The following GNAQ variants were observed in gnomAD, a reference collection of about 807,000 sequenced individuals.
GNAQ encodes guanine nucleotide-binding protein G(q) subunit alpha.
Under a neutral mutation model 43.9 loss-of-function variants are expected in GNAQ, and 8 were observed. The observed-to-expected ratio is 0.18, with a 90% CI of 0.11 to 0.33. The LOEUF (loss-of-function observed/expected upper bound fraction) is 0.33. GNAQ is among the 10% of genes least tolerant of loss of function. The pLI is 1.00. For synonymous variants in GNAQ, 155 were observed against 170.7 expected (o/e 0.91, Z 0.71); for missense variants, 158 against 450.8 (o/e 0.35, Z 5.88).
chr9:77,967,233 A>T (rs771767265), intron 1 of GNAQ, among the ~76,000 whole-genome samples: 1 of 152,188 alleles, frequency 6.6e-6, no homozygotes, highest in Non-Finnish European at 1.5e-5. Context: ...TGTTGGGCTG[A>T]CAACAGCTCT....
At chr9:77,886,384 C>CT (rs1828305855) in intron 2 of GNAQ, among the ~76,000 whole-genome samples, 6 of 102,102 alleles carry the variant, frequency 5.9e-5, no homozygotes, top group Admixed American at 5.6e-4. Flanking sequence ...GAGCTATGCT[C>CT]TTAAAAAAAA....
chr9:77,849,006 G>A (rs1386022303), intron 2 of GNAQ, among the ~76,000 whole-genome samples: 1 of 152,166 alleles, frequency 6.6e-6, no homozygotes, highest in East Asian at 1.9e-4. Flanking sequence ...GAAGAAAAAT[G>A]TGTGGTGACA....
intron 3 of GNAQ, among the ~76,000 whole-genome samples, chr9:77,800,943 A>C (rs1307996743): frequency 1.3e-5 from 2 of 152,244 alleles, no homozygotes; most frequent in African/African-American, 2.4e-5. Context: ...AAGGCTGCTC[A>C]GAAATATATT....
chr9:77,933,157 C>T (rs1371451266), intron 1 of GNAQ, among the ~76,000 whole-genome samples: 3 of 152,168 alleles, frequency 2.0e-5, no homozygotes, highest in Non-Finnish European at 4.4e-5. Context: ...ACAGAGGATG[C>T]GATTTGTGTC....
At chr9:77,862,792 C>G (rs1227108404) in intron 2 of GNAQ, among the ~76,000 whole-genome samples, 1 of 152,220 alleles carries the variant, frequency 6.6e-6, no homozygotes, top group African/African-American at 2.4e-5. Flanking sequence ...CATTGTCAGA[C>G]TATAAATTTT....
intron 1 of GNAQ, among the ~76,000 whole-genome samples, chr9:77,998,296 G>A (rs1028802687): frequency 6.6e-6 from 1 of 152,212 alleles, no homozygotes; most frequent in Non-Finnish European, 1.5e-5. Flanking sequence ...TTTGTCTGCA[G>A]CATTTTTAAA....
At chr9:77,734,342 T>C (rs1825539655) in intron 5 of GNAQ, among the ~76,000 whole-genome samples, 1 of 152,238 alleles carries the variant, frequency 6.6e-6, no homozygotes, top group Admixed American at 6.5e-5. Context: ...ATACAAGTTA[T>C]CCACCTGTCT....
At chr9:77,968,683 C>A (rs1254652173) in intron 1 of GNAQ, among the ~76,000 whole-genome samples, 1 of 152,198 alleles carries the variant, frequency 6.6e-6, no homozygotes, top group Non-Finnish European at 1.5e-5. Flanking sequence ...ATGTAAATGG[C>A]CTTCAATTAC....
chr9:78,005,037 GA>G (rs1823688980), intron 1 of GNAQ, among the ~76,000 whole-genome samples: 1 of 152,090 alleles, frequency 6.6e-6, no homozygotes, highest in East Asian at 1.9e-4. Flanking sequence ...ATGGTTTGGA[GA>G]GATGACAAAA....
At chr9:77,806,574 G>A (rs1472683564) in intron 3 of GNAQ, among the ~76,000 whole-genome samples, 2 of 152,216 alleles carry the variant, frequency 1.3e-5, no homozygotes, top group African/African-American at 2.4e-5. Context: ...GGAAGGGAGA[G>A]ATGATTATGA....
At chr9:77,939,370 G>A (rs924223087) in intron 1 of GNAQ, among the ~76,000 whole-genome samples, 4 of 152,140 alleles carry the variant, frequency 2.6e-5, no homozygotes, top group African/African-American at 9.7e-5. Flanking sequence ...GCAGCATGAA[G>A]AACTAAATAT....
In GNAQ at chr9:78,031,276, T is replaced by G. The variant is rs375413695; in HGVS notation, c.-41A>C. 3 of 1,436,262 alleles carry G rather than the reference T, an allele frequency of 2.1e-6. No individual in the cohort carries two copies. The highest frequency in any genetic ancestry group is 2.1e-5 in the Admixed American group (1 of 47,148). 89.0% of individuals were successfully genotyped at this position (1,436,262 alleles called of 1,614,324 possible). ...CCGCTGCAGCCCCGCCGGCACCCCC[T>G]GCTCACAGCGCGCACACACACCCTC... On this transcript the variant is annotated 5_prime_UTR_variant, in exon 1 of 7. Transcript: ENST00000286548.
intron 2 of GNAQ, among the ~76,000 whole-genome samples, chr9:77,897,689 T>C (rs1025598726): frequency 3.9e-5 from 6 of 151,978 alleles, no homozygotes; most frequent in Non-Finnish European, 7.4e-5. Flanking sequence ...TGGTTTATAG[T>C]CTACAAATTG....
At chr9:77,900,149 G>A (rs185236429) in intron 2 of GNAQ, among the ~76,000 whole-genome samples, 81 of 152,280 alleles carry the variant, frequency 5.3e-4, no homozygotes, top group African/African-American at 1.9e-3. Flanking sequence ...ATCTAAGACT[G>A]CTGAGCTGTT....
At chr9:77,917,667 G>T (rs987274795) in intron 2 of GNAQ, among the ~76,000 whole-genome samples, 6 of 152,086 alleles carry the variant, frequency 3.9e-5, no homozygotes, top group African/African-American at 1.4e-4. Context: ...TGATTTGACC[G>T]AGTGACAAAT....
intron 2 of GNAQ, among the ~76,000 whole-genome samples, chr9:77,835,628 G>A (rs1827371974): frequency 6.6e-6 from 1 of 152,148 alleles, no homozygotes; most frequent in South Asian, 2.1e-4. Flanking sequence ...ATTCTAAGCA[G>A]TTAACACAGA....
chr9:77,926,554 C>T (rs560582665), intron 1 of GNAQ, among the ~76,000 whole-genome samples: 5 of 152,234 alleles, frequency 3.3e-5, no homozygotes, highest in African/African-American at 1.2e-4. Context: ...ACCACTGGTA[C>T]TATAAAATCT....
At chr9:77,957,223 G>T (rs1338587419) in intron 1 of GNAQ, among the ~76,000 whole-genome samples, 1 of 152,090 alleles carries the variant, frequency 6.6e-6, no homozygotes, top group African/African-American at 2.4e-5. Flanking sequence ...AGGTGTGGTG[G>T]TGTGTGCCTG....
At chr9:77,898,771 C>T (rs1828545193) in intron 2 of GNAQ, among the ~76,000 whole-genome samples, 1 of 151,888 alleles carries the variant, frequency 6.6e-6, no homozygotes, top group African/African-American at 2.4e-5. Flanking sequence ...CAGAAATAAA[C>T]TGCTATTAAG....
Sources: allele counts gnomAD v4.1 joint callset (sites outside exome capture counted in the v4.1 genomes callset), GRCh38; gene constraint gnomAD v4.1.1; transcripts MANE v1.5; gene names NCBI Gene and HGNC (gene_info 2026-07-23, HGNC 2026-07-21).